Variants in FAM184B observed in about 807,000 individuals in gnomAD.
The protein encoded by FAM184B is protein FAM184B.
Under a neutral mutation model 135.9 loss-of-function variants are expected in FAM184B, and 111 were observed. The observed-to-expected ratio is 0.82, with a 90% confidence interval of 0.70 to 0.96. The LOEUF is 0.96. FAM184B is among the 40% of genes least tolerant of loss of function. FAM184B has a pLI of 0.00. For synonymous variants in FAM184B, 552 were observed against 524.8 expected, an observed-to-expected ratio of 1.05 and a Z score of -0.71; for missense variants, 1,375 against 1,323.9, an observed-to-expected ratio of 1.04 and a Z score of -0.60.
At chr4:17,641,058 C>A (rs145143647) in intron 13 of FAM184B, among the ~76,000 whole-genome samples, 2,289 of 152,236 alleles carry the variant, frequency 0.015, 22 homozygotes, top group Middle Eastern at 0.024. Flanking sequence ...ACCAACCTCC[C>A]GAGTAGCCGG....
Position 17,735,542 on chromosome 4 carries a change from A to C in FAM184B, c.142-25898T>G, listed in dbSNP as rs1168472680. 2.0e-5 allele frequency among the ~76,000 whole-genome samples: 3 copies of C among 152,146 alleles called. No individual in the cohort carries two copies. The East Asian group carries it at 5.8e-4, about 29-fold the overall frequency. ...AATATTGTATTTTATTAAAAGGGAA[A>C]GATTTTCATGTTAATGGTAACTTTC... On this transcript the variant is annotated intron_variant, in intron 1 of 17. Transcript: ENST00000265018.
intron 7 of FAM184B, among the ~76,000 whole-genome samples, chr4:17,675,204 A>T (rs1716283958): frequency 6.6e-6 from 1 of 152,194 alleles, no homozygotes; most frequent in Non-Finnish European, 1.5e-5. Context: ...TAAGACTTCA[A>T]AGGAGAAATT....
chr4:17,652,782 G>C, intron 11 of FAM184B, 48 bp downstream of exon 11: 2 of 1,524,444 alleles, frequency 1.3e-6, no homozygotes, highest in Non-Finnish European at 1.8e-6. Flanking sequence ...TCTACATGCA[G>C]ACCCTGCAGT....
chr4:17,717,637 G>A (rs1171080771), intron 1 of FAM184B, among the ~76,000 whole-genome samples: 1 of 152,112 alleles, frequency 6.6e-6, no homozygotes, highest in African/African-American at 2.4e-5. Flanking sequence ...CTGCTGATGG[G>A]TTGACGTCAG....
At chr4:17,695,741 G>T (rs1303988750) in intron 5 of FAM184B, among the ~76,000 whole-genome samples, 1 of 152,142 alleles carries the variant, frequency 6.6e-6, no homozygotes, top group Non-Finnish European at 1.5e-5. Flanking sequence ...TGGATTCAGG[G>T]ACCATCTGAG....
chr4:17,721,098 A>G (rs1055744844), intron 1 of FAM184B, among the ~76,000 whole-genome samples: 2 of 150,720 alleles, frequency 1.3e-5, no homozygotes, highest in African/African-American at 4.9e-5. Flanking sequence ...TGAATAAAAA[A>G]TCTCGGCTGG....
At chr4:17,686,372 A>C (rs1313056973) in intron 7 of FAM184B, among the ~76,000 whole-genome samples, 1 of 152,228 alleles carries the variant, frequency 6.6e-6, no homozygotes, top group Non-Finnish European at 1.5e-5. Context: ...TGGGGGCAAC[A>C]GGGCTGCTCA....
At chr4:17,660,800 C>T (rs1253227181) in intron 8 of FAM184B, among the ~76,000 whole-genome samples, 1 of 151,928 alleles carries the variant, frequency 6.6e-6, no homozygotes, top group Non-Finnish European at 1.5e-5. Flanking sequence ...GAAAGGATGC[C>T]ACATGGTGGG....
At chr4:17,696,810 C>A (rs182638372) in intron 5 of FAM184B, among the ~76,000 whole-genome samples, 1,317 of 126,310 alleles carry the variant, frequency 0.01, 14 homozygotes, top group Middle Eastern at 0.016. Flanking sequence ...AAGACCTTGT[C>A]TCTAAATGAA....
At chr4:17,708,718 G>GTT (rs1717176437) in intron 2 of FAM184B, among the ~76,000 whole-genome samples, 174 bp downstream of exon 2, 1 of 110,092 alleles carries the variant, frequency 9.1e-6, no homozygotes, top group Non-Finnish European at 1.9e-5. Flanking sequence ...TAGTGTCTGT[G>GTT]TGTGTGTGTG....
intron 1 of FAM184B, among the ~76,000 whole-genome samples, chr4:17,771,719 G>T (rs1478336479): frequency 1.3e-5 from 2 of 152,146 alleles, no homozygotes; most frequent in Admixed American, 6.6e-5. Context: ...CACTCCTCCT[G>T]CCCTACAGCA....
chr4:17,635,260 G>T, intron 15 of FAM184B, 147 bp from the exon 16 acceptor site: 1 of 604,332 alleles, frequency 1.7e-6, no homozygotes. Context: ...GCCAGGCACT[G>T]AAGCTTTTGA....
At chr4:17,760,316 T>C (rs1047062463) in intron 1 of FAM184B, among the ~76,000 whole-genome samples, 4 of 151,716 alleles carry the variant, frequency 2.6e-5, no homozygotes, top group African/African-American at 9.7e-5. Context: ...ATACAAAAAT[T>C]AGCTGGCATT....
intron 5 of FAM184B, among the ~76,000 whole-genome samples, chr4:17,696,247 A>T (rs962934499): frequency 1.3e-5 from 2 of 152,238 alleles, no homozygotes; most frequent in African/African-American, 2.4e-5. Flanking sequence ...ATTTGAACTC[A>T]GGAAAGCCTG....
intron 5 of FAM184B, among the ~76,000 whole-genome samples, chr4:17,700,827 T>C (rs980196915): frequency 6.6e-6 from 1 of 151,850 alleles, no homozygotes; most frequent in Non-Finnish European, 1.5e-5. Flanking sequence ...AAATCAATAA[T>C]AAAATGATAT....
At chr4:17,644,624 A>G (rs1225110970) in intron 12 of FAM184B, among the ~76,000 whole-genome samples, 2 of 152,204 alleles carry the variant, frequency 1.3e-5, no homozygotes, top group Non-Finnish European at 2.9e-5. Context: ...CCCACAGCCA[A>G]TATCATATAC....
chr4:17,704,953 G>C, intron 5 of FAM184B, 47 bp downstream of exon 5: 1 of 1,491,110 alleles, frequency 6.7e-7, no homozygotes, highest in East Asian at 2.5e-5. Flanking sequence ...AAGGAGGTGG[G>C]AGAAAGAAAA....
At chr4:17,713,893 G>A (rs940965788) in intron 1 of FAM184B, among the ~76,000 whole-genome samples, 5 of 152,200 alleles carry the variant, frequency 3.3e-5, no homozygotes, top group African/African-American at 9.7e-5. Flanking sequence ...AGTCAGACAA[G>A]AAAATGGAAA....
chr4:17,778,267 A>G (rs559692773), intron 1 of FAM184B, among the ~76,000 whole-genome samples: 7 of 152,350 alleles, frequency 4.6e-5, no homozygotes, highest in Admixed American at 1.3e-4. Context: ...AACACTTAGT[A>G]CCAGAAGACA....
Sources: gnomAD v4.1 joint callset for allele counts (sites outside exome capture counted in the v4.1 genomes callset) on GRCh38, gnomAD v4.1.1 for gene constraint, MANE v1.5 for transcripts, NCBI Gene and HGNC (gene_info 2026-07-23, HGNC 2026-07-21) for gene names.